Variants in MYO5A observed in about 807,000 individuals in gnomAD.
The protein encoded by MYO5A is unconventional myosin-Va.
In MYO5A, 98 loss-of-function variants were observed where a neutral mutation model predicts 249.7. The ratio of observed to expected loss-of-function variants is 0.39; its 90% CI spans 0.33 to 0.46. MYO5A has a LOEUF of 0.46. MYO5A is among the 20% of genes least tolerant of loss of function. The pLI, the probability that MYO5A is intolerant of heterozygous loss-of-function variation, is 0.98. For missense variants in MYO5A, 1,696 were observed against 2,308.8 expected (o/e 0.73, Z 5.44); for synonymous variants, 778 against 810.6 (o/e 0.96, Z 0.68).
intron 1 of MYO5A, among the ~76,000 whole-genome samples, chr15:52,449,787 T>C (rs2075976092): frequency 6.6e-6 from 1 of 151,960 alleles, no homozygotes; most frequent in Non-Finnish European, 1.5e-5. Flanking sequence ...ACTGCTTGAG[T>C]CCAGGAGTTC....
intron 32 of MYO5A, among the ~76,000 whole-genome samples, chr15:52,338,457 A>G (rs1026964548): frequency 1.3e-5 from 2 of 152,156 alleles, no homozygotes; most frequent in African/African-American, 2.4e-5. Context: ...TGGGCAAGGT[A>G]GAGTTTCAAG....
intron 6 of MYO5A, 70 bp downstream of exon 6, chr15:52,410,263 C>T: frequency 6.7e-7 from 1 of 1,500,680 alleles, no homozygotes; most frequent in Middle Eastern, 1.7e-4. Flanking sequence ...AAAATGCATA[C>T]CAGCAAGCAT....
chr15:52,308,469 C>T lies in MYO5A; in HGVS notation c.*5227G>A, dbSNP rs111473241. 2 of 152,222 alleles carry T rather than the reference C, an allele frequency of 1.3e-5. No individual in the cohort carries two copies. Among genetic ancestry groups the T allele is most frequent in the African/African-American group, 4.8e-5 (2 of 41,526 alleles). 9.4% of individuals were successfully genotyped at this position (152,222 alleles called of 1,614,324 possible). On this transcript the variant is annotated 3_prime_UTR_variant, in exon 42 of 42. Transcript: ENST00000399233. The stretch of plus-strand genomic sequence containing the variant: ...GAGTTATACCCTTTACCTTTAGTAA[C>T]AAAAGGTTAGTAGAAAGCAAGACAT...
At chr15:52,475,833 G>A (rs1197446814) in intron 1 of MYO5A, among the ~76,000 whole-genome samples, 3 of 152,210 alleles carry the variant, frequency 2.0e-5, no homozygotes, top group African/African-American at 4.8e-5. Flanking sequence ...TGGAATAAGT[G>A]CAATGTGGTG....
chr15:52,422,054 G>A (rs1479321243), intron 4 of MYO5A, among the ~76,000 whole-genome samples: 2 of 152,078 alleles, frequency 1.3e-5, no homozygotes. Flanking sequence ...AAAAATCCTA[G>A]TTACAGCATG....
chr15:52,442,116 C>T (rs191885904), intron 1 of MYO5A, among the ~76,000 whole-genome samples: 4 of 152,246 alleles, frequency 2.6e-5, no homozygotes, highest in East Asian at 3.9e-4. Flanking sequence ...CTCCCACCCC[C>T]GACAAACCCA....
At chr15:52,507,606 C>T (rs2077299821) in intron 1 of MYO5A, among the ~76,000 whole-genome samples, 1 of 151,948 alleles carries the variant, frequency 6.6e-6, no homozygotes, top group African/African-American at 2.4e-5. Flanking sequence ...TCACTTTAGC[C>T]TAGGAGCAGA....
chr15:52,383,327 G>A, intron 15 of MYO5A, 139 bp from the exon 16 acceptor site: 7 of 731,120 alleles, frequency 9.6e-6, no homozygotes, highest in South Asian at 4.6e-5. Flanking sequence ...TTCAGAAGAG[G>A]AGCTGCCACA....
intron 1 of MYO5A, among the ~76,000 whole-genome samples, chr15:52,471,256 T>C (rs1264831740): frequency 1.3e-5 from 2 of 152,092 alleles, no homozygotes; most frequent in Non-Finnish European, 2.9e-5. Context: ...TCCTTACTAG[T>C]AAATGTCTTT....
Position 52,383,156 on chromosome 15 carries a change from T to C in MYO5A, c.1947A>G (p.Thr649=). ...FRNSLHLLME[T]LNATTPHYVR... is the part of the protein sequence containing the mutation. ...CATAGTGAGGGGTAGTGGCATTGAGTGTCTCCATAAGCAGGTGCAGGGAGT... is the reference window on the plus strand; with the variant it reads ...CATAGTGAGGGGTAGTGGCATTGAGCGTCTCCATAAGCAGGTGCAGGGAGT... The change falls in exon 16 of 42, where the codon ACA becomes ACG. Residue 649 remains threonine, a synonymous_variant. Transcript: ENST00000399233. 6.2e-7 allele frequency: 1 copy of C among 1,613,964 alleles called. No homozygotes were observed.
intron 25 of MYO5A, among the ~76,000 whole-genome samples, chr15:52,356,723 T>TA (rs533798990): frequency 1.6e-3 from 213 of 134,082 alleles, no homozygotes; most frequent in African/African-American, 2.2e-3. Flanking sequence ...CCGTTATAAT[T>TA]AAAAAAAAAA....
chr15:52,311,518 G>A lies in MYO5A; in HGVS notation c.*2178C>T, dbSNP rs2037774097. 1 of 152,098 alleles carries A rather than the reference G, an allele frequency of 6.6e-6. No individual in the cohort carries two copies. Among genetic ancestry groups the A allele is most frequent in the Admixed American group, 6.5e-5 (1 of 15,272 alleles). 9.4% of individuals were successfully genotyped at this position (152,098 alleles called of 1,614,324 possible). On this transcript the variant is annotated 3_prime_UTR_variant, in exon 42 of 42. Coordinates refer to ENST00000399233, the MANE Select transcript of MYO5A (RefSeq NM_001382347.1). ...ATAAATAAATAAATGTATTCAAACTGAATAAAGCAATACATGATGTAATAA... is the reference window on the plus strand; with the variant it reads ...ATAAATAAATAAATGTATTCAAACTAAATAAAGCAATACATGATGTAATAA...
intron 1 of MYO5A, among the ~76,000 whole-genome samples, chr15:52,504,054 C>CTT (rs71425753): frequency 1.3e-4 from 16 of 122,956 alleles, no homozygotes; most frequent in African/African-American, 4.9e-4. Flanking sequence ...GTTTCTCCTT[C>CTT]TTTTTTTTTT....
At position 52,313,529 on chromosome 15, in the gene MYO5A, T is replaced by G. The variant is rs2037850948; in HGVS notation, c.*167A>C. 1 of 893,276 alleles carries G rather than the reference T, an allele frequency of 1.1e-6. No individual in the cohort carries two copies. The highest frequency in any genetic ancestry group is 1.7e-6 in the Non-Finnish European group (1 of 579,750). The allele number at this position is 893,276 out of a possible 1,614,324, so 55.3% of individuals were successfully genotyped here. A position where few individuals can be genotyped will look rare whatever the true frequency, so the allele number is the denominator to read the frequency against. On this transcript the variant is annotated 3_prime_UTR_variant, in exon 42 of 42. Transcript: ENST00000399233. Reference sequence around the variant, plus strand: ...ACAGCACGAAAGAGCCTATCTTTGTTTCCAAAGTGATGAAAGTATTCTAGG... The same window carrying G: ...ACAGCACGAAAGAGCCTATCTTTGTGTCCAAAGTGATGAAAGTATTCTAGG...
intron 34 of MYO5A, among the ~76,000 whole-genome samples, chr15:52,335,037 T>C (rs1341964673): frequency 6.6e-6 from 1 of 152,204 alleles, no homozygotes; most frequent in Non-Finnish European, 1.5e-5. Flanking sequence ...AAAACCACAC[T>C]TGGAGTTAAT....
intron 20 of MYO5A, among the ~76,000 whole-genome samples, chr15:52,375,035 T>C (rs1405822549): frequency 1.3e-5 from 2 of 152,176 alleles, no homozygotes; most frequent in East Asian, 3.8e-4. Flanking sequence ...ATCTCAGCAC[T>C]TTGGGAAGCC....
intron 27 of MYO5A, among the ~76,000 whole-genome samples, chr15:52,352,201 C>G (rs943624340): frequency 6.6e-6 from 1 of 152,158 alleles, no homozygotes; most frequent in Admixed American, 6.5e-5. Context: ...ACCAGCCAGC[C>G]CCTGCCACCA....
At chr15:52,504,215 C>G (rs1443137299) in intron 1 of MYO5A, among the ~76,000 whole-genome samples, 1 of 152,128 alleles carries the variant, frequency 6.6e-6, no homozygotes, top group Admixed American at 6.6e-5. Context: ...TTGATGTCCT[C>G]CACCCACTCA....
At chr15:52,443,483 C>T (rs543309639) in intron 1 of MYO5A, among the ~76,000 whole-genome samples, 12 of 152,104 alleles carry the variant, frequency 7.9e-5, no homozygotes, top group Non-Finnish European at 1.0e-4. Context: ...GAGGCTGAGG[C>T]GGGTAGATCA....
Sources: gnomAD v4.1 joint callset for allele counts (sites outside exome capture counted in the v4.1 genomes callset) on GRCh38, gnomAD v4.1.1 for gene constraint, MANE v1.5 for transcripts, NCBI Gene and HGNC (gene_info 2026-07-23, HGNC 2026-07-21) for gene names.